Variants in XRN2 observed in about 807,000 individuals in gnomAD.
XRN2 encodes 5'-3' exoribonuclease 2.
A neutral mutation model predicts 138.5 loss-of-function variants in XRN2; 44 were observed. The ratio of observed to expected loss-of-function variants is 0.32; its 90% confidence interval spans 0.25 to 0.41. The LOEUF (loss-of-function observed/expected upper bound fraction) is 0.41. XRN2 is among the 10% of genes least tolerant of loss of function. XRN2 has a pLI of 1.00. For missense variants in XRN2, 937 were observed against 1,169.3 expected, an observed-to-expected ratio of 0.80 and a Z score of 2.90; for synonymous variants, 354 against 369.4, an observed-to-expected ratio of 0.96 and a Z score of 0.48.
intron 24 of XRN2, among the ~76,000 whole-genome samples, chr20:21,364,941 C>T (rs1025412281): frequency 8.5e-5 from 13 of 152,070 alleles, no homozygotes; most frequent in Admixed American, 8.5e-4. Flanking sequence ...GTCCATCCCC[C>T]CCGCACCATA....
intron 9 of XRN2, 105 bp downstream of exon 9, chr20:21,332,545 A>T: frequency 3.6e-6 from 4 of 1,101,776 alleles, no homozygotes; most frequent in Non-Finnish European, 4.9e-6. Flanking sequence ...GTATACAATT[A>T]AATAGCATTA....
chr20:21,309,125 A>G (rs983740246), intron 1 of XRN2, among the ~76,000 whole-genome samples: 1 of 152,240 alleles, frequency 6.6e-6, no homozygotes, highest in African/African-American at 2.4e-5. Flanking sequence ...TCTGTTCACA[A>G]AAGATATTTG....
intron 16 of XRN2, among the ~76,000 whole-genome samples, chr20:21,345,810 A>C (rs2038429131): frequency 6.6e-6 from 1 of 152,208 alleles, no homozygotes; most frequent in Non-Finnish European, 1.5e-5. Flanking sequence ...CTCTCTATAT[A>C]TATCTCTATC....
intron 13 of XRN2, among the ~76,000 whole-genome samples, chr20:21,337,361 T>C (rs1002592257): frequency 1.3e-5 from 2 of 152,204 alleles, no homozygotes; most frequent in East Asian, 3.9e-4. Context: ...GGATTAAACA[T>C]AGAGTGTAAG....
intron 15 of XRN2, among the ~76,000 whole-genome samples, chr20:21,343,421 G>A (rs1394119424): frequency 1.3e-5 from 2 of 151,824 alleles, no homozygotes; most frequent in African/African-American, 2.4e-5. Flanking sequence ...AATAAAATCT[G>A]CATTTTTCTA....
intron 24 of XRN2, among the ~76,000 whole-genome samples, chr20:21,359,451 G>A (rs1287933649): frequency 1.3e-5 from 2 of 151,238 alleles, no homozygotes; most frequent in African/African-American, 4.9e-5. Flanking sequence ...TGAGAGAACC[G>A]CTTGAACCCA....
intron 29 of XRN2, among the ~76,000 whole-genome samples, chr20:21,389,045 G>A (rs765385929): frequency 1.3e-5 from 2 of 152,166 alleles, no homozygotes; most frequent in Non-Finnish European, 2.9e-5. Flanking sequence ...GATTGTTAAG[G>A]TTTTTTGTTT....
intron 28 of XRN2, among the ~76,000 whole-genome samples, chr20:21,385,451 C>T (rs890404888): frequency 6.6e-6 from 1 of 152,106 alleles, no homozygotes; most frequent in Non-Finnish European, 1.5e-5. Flanking sequence ...AGTAATTGTC[C>T]TGAAAAATAA....
chr20:21,327,740 A>T (rs909388933), intron 3 of XRN2, among the ~76,000 whole-genome samples: 1 of 152,224 alleles, frequency 6.6e-6, no homozygotes, highest in East Asian at 1.9e-4. Flanking sequence ...AAATGTAGAT[A>T]CAGAACTTTG....
In XRN2 at chr20:21,365,671, T is replaced by C; in HGVS notation, c.2423T>C (p.Val808Ala). Residue 808 changes from valine (V) to alanine (A), a missense_variant, in exon 26 of 30, where the codon GTG (valine) becomes GCG (alanine). Around this residue, in one of 6 missense-constraint regions of XRN2, gnomAD observed 372 missense variants for 414.4 expected, o/e 0.90. Transcript: ENST00000377191. ...GGCTTTAACCGTGACCGGAGGCCTG[T>C]GCACCTGGATCAGGCAGCCTTCAGG... ...QLGFNRDRRP[V>A]HLDQAAFRTL... 2 of 1,612,986 alleles carry C rather than the reference T, an allele frequency of 1.2e-6. No individual in the cohort carries two copies. The highest frequency in any genetic ancestry group is 1.7e-5 in the Admixed American group (1 of 59,794).
chr20:21,366,167 A>ATATG lies in XRN2; in HGVS notation c.2456+465_2456+466insTGTA, dbSNP rs1157757997. Among the ~76,000 whole-genome samples the ATATG allele has an allele frequency of 5.6e-5, 7 of 124,844 alleles. No individual in the cohort carries two copies. The East Asian group carries it at 1.3e-3, about 23-fold the overall frequency. The allele number at this position is 124,844 out of a possible 152,430, so 81.9% of individuals were successfully genotyped here. A position where few individuals can be genotyped will look rare whatever the true frequency, so the allele number is the denominator to read the frequency against. ...ATATAAATATATATTTATAGTTTAT[A>ATATG]TAATATATATAAATATATATTATAT... On this transcript the variant is annotated intron_variant, in intron 26 of 29. Transcript: ENST00000377191.
chr20:21,387,997 T>A (rs2038953027), intron 29 of XRN2, among the ~76,000 whole-genome samples: 1 of 152,282 alleles, frequency 6.6e-6, no homozygotes, highest in Non-Finnish European at 1.5e-5. Flanking sequence ...CGAATTTTGC[T>A]TTGAATTCTT....
Position 21,351,440 on chromosome 20 carries a change from G to A in XRN2, c.1936+1979G>A, listed in dbSNP as rs2038509230. Among the ~76,000 whole-genome samples, 2 of 152,010 alleles carry A rather than the reference G, an allele frequency of 1.3e-5. 1 individual carries two copies. The highest frequency in any genetic ancestry group is 1.3e-4 in the Admixed American group (2 of 15,268). On this transcript the variant is annotated intron_variant, in intron 20 of 29. Transcript: ENST00000377191. ...AAATCCTTTGCTCAATTTTGAATTG[G>A]GTTGATTTTGTTGTTGCATTATAGA...
chr20:21,303,408 C>A lies in XRN2; in HGVS notation c.10C>A (p.Pro4Thr). 6.5e-7 allele frequency: 1 copy of A among 1,548,772 alleles called. No homozygotes were observed. The highest frequency in any genetic ancestry group is 1.2e-5 in the South Asian group (1 of 83,854). The change falls in exon 1 of 30, where the codon CCG becomes ACG. Residue 4 changes from proline (P) to threonine (T), a missense_variant. Transcript: ENST00000377191. ...CCAGCCGTGTGCCGCTATGGGAGTC[C>A]CGGCGTTCTTCCGCTGGCTCAGCCG... The part of the protein sequence containing the change: MGV[P>T]AFFRWLSRKY...
Position 21,328,604 on chromosome 20 carries a change from G to C in XRN2, c.361G>C (p.Ala121Pro). 6.2e-7 allele frequency: 1 copy of C among 1,614,076 alleles called. No homozygotes were observed. The change falls in exon 4 of 30, where the codon GCA becomes CCA. Residue 121 changes from alanine to proline, a missense_variant. Transcript: ENST00000377191. ...CCAGCAGCGTTCAAGGAGGTTCAGG[G>C]CATCAAAAGAAGGAATGGAAGCAGC... Reference protein sequence around the residue: ...MNQQRSRRFRASKEGMEAAVE... With the variant: ...MNQQRSRRFRPSKEGMEAAVE...
rs114512630 is a variant in XRN2, at chr20:21,342,755, C to T, written c.1411-1335C>T. The stretch of plus-strand genomic sequence containing the variant: ...TGCAATAACTTGTAAGGAAACAGAA[C>T]GTTATCATCCCCATTTTAAGATGAG... On this transcript the variant is annotated intron_variant, in intron 15 of 29. Coordinates refer to ENST00000377191, the MANE Select transcript of XRN2 (RefSeq NM_012255.5). Among the ~76,000 whole-genome samples the T allele has an allele frequency of 6.4e-3, 969 of 152,234 alleles. 3 individuals are homozygous for T. The highest frequency in any genetic ancestry group is 0.022 in the African/African-American group (915 of 41,536).
chr20:21,372,960 T>C (rs1255249119), intron 27 of XRN2, among the ~76,000 whole-genome samples: 2 of 152,206 alleles, frequency 1.3e-5, no homozygotes, highest in African/African-American at 4.8e-5. Context: ...TTTTCAGTCT[T>C]TGTTTCTGAG....
At chr20:21,316,460 G>A (rs1347111363) in intron 1 of XRN2, among the ~76,000 whole-genome samples, 1 of 152,000 alleles carries the variant, frequency 6.6e-6, no homozygotes, top group Non-Finnish European at 1.5e-5. Flanking sequence ...GAGTTGTTTG[G>A]GTTGAGTTAA....
chr20:21,345,421 A>T (rs910866639), intron 16 of XRN2, among the ~76,000 whole-genome samples: 1 of 151,640 alleles, frequency 6.6e-6, no homozygotes, highest in African/African-American at 2.4e-5. Context: ...TTATTCTGTG[A>T]CTCCTTTGTG....
Sources: allele counts gnomAD v4.1 joint callset (sites outside exome capture counted in the v4.1 genomes callset), GRCh38; gene constraint gnomAD v4.1.1; regional missense constraint gnomAD v4.1.1; transcripts MANE v1.5; gene names NCBI Gene and HGNC (gene_info 2026-07-23, HGNC 2026-07-21).